Variants in ARHGAP39 observed in about 807,000 individuals in gnomAD.
ARHGAP39 encodes rho GTPase-activating protein 39.
ARHGAP39 carries 44 observed loss-of-function variants against 106.9 expected under a neutral mutation model. That is an observed-to-expected ratio of 0.41 (90% CI 0.32 to 0.53). The LOEUF (loss-of-function observed/expected upper bound fraction) is 0.53, where lower values mean the gene tolerates loss of function less well. Among genes scored for constraint, ARHGAP39 ranks in the 20% least tolerant of loss-of-function variants. ARHGAP39 has a pLI of 0.21. For missense variants in ARHGAP39, 1,496 were observed against 1,577.3 expected (o/e 0.95, Z 0.87); for synonymous variants, 768 against 693.2 (o/e 1.11, Z -1.69).
intron 1 of ARHGAP39, among the ~76,000 whole-genome samples, chr8:144,655,613 G>A (rs1308813696): frequency 5.3e-5 from 8 of 152,226 alleles, no homozygotes; most frequent in African/African-American, 1.7e-4. Context: ...AGAGACGACA[G>A]GACGACCTGC....
intron 1 of ARHGAP39, among the ~76,000 whole-genome samples, chr8:144,622,050 T>C (rs1820820245): frequency 6.6e-6 from 1 of 152,070 alleles, no homozygotes; most frequent in Non-Finnish European, 1.5e-5. Context: ...GAAACTTTCA[T>C]TTACCCCACA....
intron 6 of ARHGAP39, among the ~76,000 whole-genome samples, chr8:144,540,976 T>C (rs540645087): frequency 3.9e-5 from 6 of 152,288 alleles, no homozygotes; most frequent in African/African-American, 1.4e-4. Flanking sequence ...CTCAGCCTCC[T>C]GAGTGCCTGG....
At chr8:144,636,892 C>G (rs1366035229) in intron 1 of ARHGAP39, among the ~76,000 whole-genome samples, 1 of 152,198 alleles carries the variant, frequency 6.6e-6, no homozygotes, top group Non-Finnish European at 1.5e-5. Context: ...GAATTTTGAA[C>G]TTACTGCTTC....
chr8:144,643,538 C>T (rs1367012845), intron 1 of ARHGAP39, among the ~76,000 whole-genome samples: 1 of 152,184 alleles, frequency 6.6e-6, no homozygotes, highest in Non-Finnish European at 1.5e-5. Flanking sequence ...TTGGTTCTCA[C>T]CCCGCATGTC....
intron 3 of ARHGAP39, among the ~76,000 whole-genome samples, chr8:144,576,070 C>A (rs1049201245): frequency 6.6e-6 from 1 of 152,102 alleles, no homozygotes; most frequent in Non-Finnish European, 1.5e-5. Context: ...TGGTGGCTCA[C>A]GCCTGTAATC....
intron 10 of ARHGAP39, among the ~76,000 whole-genome samples, chr8:144,531,212 G>A (rs555716804): frequency 0.066 from 8,307 of 126,096 alleles, 1,501 homozygotes; most frequent in African/African-American, 0.29. Flanking sequence ...TGGGGAGTGG[G>A]CTAGACATAG....
chr8:144,643,020 C>T (rs1821350574), intron 1 of ARHGAP39, among the ~76,000 whole-genome samples: 1 of 152,064 alleles, frequency 6.6e-6, no homozygotes, highest in African/African-American at 2.4e-5. Context: ...TTCAAACAAG[C>T]AAACAAAACA....
In ARHGAP39 at chr8:144,534,324, C is replaced by T. The variant is rs575488171; in HGVS notation, c.2615-122G>A. 5.2e-5 allele frequency: 55 copies of T among 1,056,848 alleles called. No homozygotes were observed. The African/African-American group carries it at 7.7e-4, about 15-fold the overall frequency. 65.5% of individuals were successfully genotyped at this position (1,056,848 alleles called of 1,614,324 possible). A position where few individuals can be genotyped will look rare whatever the true frequency, so the allele number is the denominator to read the frequency against. ...GGCTGGGCTGGCCTTGCCCCGGTCACCCCCTGCCCAGCACAGCGGGTCCTC... is the reference window on the plus strand; with the variant it reads ...GGCTGGGCTGGCCTTGCCCCGGTCATCCCCTGCCCAGCACAGCGGGTCCTC... On this transcript the variant is annotated intron_variant, in intron 7 of 11. Transcript: ENST00000377307.
At chr8:144,546,576 C>T (rs1447807931) in intron 5 of ARHGAP39, among the ~76,000 whole-genome samples, 4 of 152,252 alleles carry the variant, frequency 2.6e-5, no homozygotes, top group Non-Finnish European at 4.4e-5. Flanking sequence ...GACAGAGGTG[C>T]ACGTGGCCTC....
chr8:144,580,122 C>G (rs1183026559), intron 3 of ARHGAP39, among the ~76,000 whole-genome samples: 1 of 152,172 alleles, frequency 6.6e-6, no homozygotes, highest in Non-Finnish European at 1.5e-5. Flanking sequence ...CCCTTGCGCT[C>G]TACCCTGACC....
rs1398415803 is a variant in ARHGAP39 at position 144,684,774 on chromosome 8, G to T, written c.-82+912C>A. Among the ~76,000 whole-genome samples the T allele has an allele frequency of 6.6e-6, 1 of 152,218 alleles. No homozygotes were observed. ...AACCGAGGGAATTCCAGCTCGGGGG[G>T]CAACCGGGAGGGGAAGGCTCCGAGC... is the stretch of plus-strand genomic sequence containing the variant. On this transcript the variant is annotated intron_variant, in intron 1 of 11. Transcript: ENST00000377307. The surrounding 1 kb of genome is among the most constrained non-coding windows in gnomAD (Gnocchi z 4.4).
chr8:144,660,407 C>T (rs941548390), intron 1 of ARHGAP39, among the ~76,000 whole-genome samples: 2 of 152,208 alleles, frequency 1.3e-5, no homozygotes, highest in African/African-American at 4.8e-5. Context: ...TCACTTTCAT[C>T]GTGATAAGCA....
chr8:144,645,918 G>A lies in ARHGAP39; in HGVS notation c.-82+39768C>T, dbSNP rs112301353. Among the ~76,000 whole-genome samples the A allele has an allele frequency of 2.0e-5, 3 of 152,358 alleles. No individual in the cohort carries two copies. Among genetic ancestry groups the A allele is most frequent in the African/African-American group, 7.2e-5 (3 of 41,584 alleles). ...TTGCCTGGGTGCTGGTGCAAGGTAT[G>A]CGGCAGCAACACCATCTTTAGGATG... is the stretch of plus-strand genomic sequence containing the variant. On this transcript the variant is annotated intron_variant, in intron 1 of 11. Transcript: ENST00000377307. This position sits in a 1 kb window ranked among gnomAD's most constrained non-coding sequence, Gnocchi z 4.4.
the ARHGAP39 span, among the ~76,000 whole-genome samples, chr8:144,695,587 G>A: frequency 1.3e-5 from 2 of 152,128 alleles, no homozygotes; most frequent in Non-Finnish European, 1.5e-5. Flanking sequence ...TTTAGCCAGC[G>A]GCCAAGAGAC....
intron 3 of ARHGAP39, among the ~76,000 whole-genome samples, chr8:144,566,325 G>T (rs1818394695): frequency 1.3e-5 from 2 of 151,004 alleles, no homozygotes; most frequent in Middle Eastern, 7.2e-3. Flanking sequence ...AGTGCTTTGG[G>T]GGCCGAGGCA....
chr8:144,693,895 G>C, the ARHGAP39 span, among the ~76,000 whole-genome samples: 1 of 152,320 alleles, frequency 6.6e-6, no homozygotes, highest in Non-Finnish European at 1.5e-5. Context: ...ATGGAGCCAA[G>C]TGCAGTGGGG....
At chr8:144,551,609 G>A (rs1405248966) in intron 4 of ARHGAP39, among the ~76,000 whole-genome samples, 1 of 151,450 alleles carries the variant, frequency 6.6e-6, no homozygotes, top group Non-Finnish European at 1.5e-5. Context: ...CTCTTGCCCT[G>A]CCCCACCCAC....
chr8:144,630,342 T>G (rs1821030035), intron 1 of ARHGAP39, among the ~76,000 whole-genome samples: 1 of 152,196 alleles, frequency 6.6e-6, no homozygotes, highest in Non-Finnish European at 1.5e-5. Context: ...TGACAACAGA[T>G]GAACTATTCG....
intron 10 of ARHGAP39, 116 bp from the exon 11 acceptor site, chr8:144,530,987 G>T: frequency 7.7e-7 from 1 of 1,302,850 alleles, no homozygotes; most frequent in Non-Finnish European, 1.0e-6. Flanking sequence ...GGGAGGGCCG[G>T]CTCATTCTGG....
Sources: allele counts gnomAD v4.1 joint callset (sites outside exome capture counted in the v4.1 genomes callset), GRCh38; gene constraint gnomAD v4.1.1; non-coding constraint Gnocchi (gnomAD v3.1); transcripts MANE v1.5; gene names NCBI Gene and HGNC (gene_info 2026-07-23, HGNC 2026-07-21).